The following TRPM2 variants were observed in gnomAD, a reference collection of about 807,000 sequenced individuals.
The protein encoded by TRPM2 is estrogen-responsive element-associated gene 1 protein.
Under a neutral mutation model 174.0 loss-of-function variants are expected in TRPM2, and 161 were observed. That is an observed-to-expected ratio of 0.93 (90% CI 0.81 to 1.05). TRPM2 has a LOEUF of 1.05. Among genes scored for constraint, TRPM2 ranks in the 50% least tolerant of loss-of-function variants. The pLI, the probability that TRPM2 is intolerant of heterozygous loss-of-function variation, is 0.00. For missense variants in TRPM2, 2,057 were observed against 2,038.0 expected, an observed-to-expected ratio of 1.01 and a Z score of -0.18; for synonymous variants, 954 against 861.3, an observed-to-expected ratio of 1.11 and a Z score of -1.88.
chr21:44,353,856 C>A lies in TRPM2; in HGVS notation c.156C>A (p.Asn52Lys), dbSNP rs45625933. Reference sequence around the variant, plus strand: ...GGAGGCTACAGTGCCCCTTCGGCAACAATGACAAGGTAGGCTTTCTGCTGG... The same window carrying A: ...GGAGGCTACAGTGCCCCTTCGGCAAAAATGACAAGGTAGGCTTTCTGCTGG... ...KSWRLQCPFG[N>K]NDKQESLSSW... The change falls in exon 1 of 32, where the codon AAC becomes AAA. Residue 52 changes from asparagine (N) to lysine (K), a missense_variant. Physicochemically the swap from Asn to Lys is moderately conservative, Grantham distance 94. Coordinates refer to ENST00000397928, the MANE Select transcript of TRPM2 (RefSeq NM_003307.4). 1.5e-5 allele frequency: 24 copies of A among 1,597,798 alleles called. No homozygotes were observed. Among genetic ancestry groups the A allele is most frequent in the Admixed American group, 1.1e-4 (6 of 57,016 alleles).
In TRPM2 at chr21:44,369,265, CAAGG is replaced by C; in HGVS notation, c.698_701del (p.Glu233AlafsTer20). The C allele has an allele frequency of 6.2e-7, 1 of 1,613,830 alleles. No individual in the cohort carries two copies. Among genetic ancestry groups the C allele is most frequent in the Middle Eastern group, 1.7e-4 (1 of 6,060 alleles). ...GGGACTTCAGCCTGAGCAGCAGCTACAAGGAAGGCGAGCTCATCACCATCGGAGT... is the reference window on the plus strand; with the variant it reads ...GGGACTTCAGCCTGAGCAGCAGCTACAAGGCGAGCTCATCACCATCGGAGT... On this transcript the variant is annotated frameshift_variant, in exon 5 of 32. Transcript: ENST00000397928. LOFTEE classifies it high-confidence loss of function.
At chr21:44,379,269 G>A (rs1044176967) in intron 8 of TRPM2, 72 bp downstream of exon 8, 16 of 1,543,604 alleles carry the variant, frequency 1.0e-5, no homozygotes, top group Admixed American at 6.8e-5. Context: ...TGGTGGGCAG[G>A]ACCAGGACTC....
At chr21:44,433,278 G>A (rs1330401552) in intron 27 of TRPM2, among the ~76,000 whole-genome samples, 1 of 152,240 alleles carries the variant, frequency 6.6e-6, no homozygotes, top group Non-Finnish European at 1.5e-5. Flanking sequence ...CTGTGGGGGT[G>A]GACTCATGCC....
chr21:44,362,461 A>G (rs4818914), intron 2 of TRPM2, among the ~76,000 whole-genome samples: 151,416 of 151,418 alleles, frequency 1, 75,707 homozygotes, highest in Non-Finnish European at 1. Flanking sequence ...GCAGTGAGCA[A>G]AGATCGGCGC....
chr21:44,407,251 G>C (rs932827396), intron 19 of TRPM2, among the ~76,000 whole-genome samples: 6 of 142,198 alleles, frequency 4.2e-5, no homozygotes, highest in Non-Finnish European at 9.1e-5. Flanking sequence ...CCCGTCTGCT[G>C]AGTAGCTGGG....
At position 44,438,977 on chromosome 21, in the gene TRPM2, G is replaced by T. The variant is rs140546742; in HGVS notation, c.4168-90G>T. 1.9e-6 allele frequency: 2 copies of T among 1,080,830 alleles called. No homozygotes were observed. The highest frequency in any genetic ancestry group is 1.6e-5 in the African/African-American group (1 of 64,156). The allele number at this position is 1,080,830 out of a possible 1,614,324, so 67.0% of individuals were successfully genotyped here. ...CCAGGGCTGGGCCGCTGCCCACGCC[G>T]GGCAGGAGGCCAGTGGAGACGGGTG... On this transcript the variant is annotated intron_variant, in intron 29 of 31. Coordinates refer to ENST00000397928, the MANE Select transcript of TRPM2 (RefSeq NM_003307.4). The surrounding 1 kb of genome is among the most constrained non-coding windows in gnomAD (Gnocchi z 5.9).
intron 12 of TRPM2, 41 bp from the exon 13 acceptor site, chr21:44,397,706 G>C (rs1200594359): frequency 6.6e-7 from 1 of 1,520,290 alleles, no homozygotes; most frequent in African/African-American, 1.4e-5. Context: ...GCTGGGTTGA[G>C]CCTGGCTCTT....
At chr21:44,402,458 T>C (rs45471793) in intron 16 of TRPM2, among the ~76,000 whole-genome samples, 3,469 of 152,254 alleles carry the variant, frequency 0.023, 130 homozygotes, top group African/African-American at 0.078. Flanking sequence ...TGTGGCCTCA[T>C]GCATGGAGGC....
rs553485340 is a variant in TRPM2 at position 44,354,928 on chromosome 21, C to T, written c.254+192C>T. ...CAAGCCTCCTGTCGGGGACAGTTGA[C>T]CCTCATCCTGCCTCGCAGGTGCAGG... On this transcript the variant is annotated intron_variant, in intron 2 of 31. Coordinates refer to ENST00000397928, the MANE Select transcript of TRPM2 (RefSeq NM_003307.4). This position sits in a 1 kb window ranked among gnomAD's most constrained non-coding sequence, Gnocchi z 4.3. Among the ~76,000 whole-genome samples the T allele has an allele frequency of 2.8e-4, 43 of 152,272 alleles. No individual in the cohort carries two copies. Among genetic ancestry groups the T allele is most frequent in the African/African-American group, 1.0e-3 (42 of 41,522 alleles).
chr21:44,424,959 A>G lies in TRPM2; in HGVS notation c.3637+20A>G, dbSNP rs968569469. 1 of 1,584,594 alleles carries G rather than the reference A, an allele frequency of 6.3e-7. No individual in the cohort carries two copies. The highest frequency in any genetic ancestry group is 8.6e-7 in the Non-Finnish European group (1 of 1,167,670). On this transcript the variant is annotated intron_variant, in intron 24 of 31. Coordinates refer to ENST00000397928, the MANE Select transcript of TRPM2 (RefSeq NM_003307.4). ...CTCTGGGTGAGTGGGTGGCCAGGCC[A>G]GCAGCTGGTCTCCAGCCGCCTGTTT...
intron 8 of TRPM2, among the ~76,000 whole-genome samples, 173 bp from the exon 9 acceptor site, chr21:44,382,545 A>G (rs1243439621): frequency 6.6e-6 from 1 of 152,130 alleles, no homozygotes; most frequent in Non-Finnish European, 1.5e-5. Context: ...TTTGGTCCCC[A>G]TGGATCTTCA....
intron 27 of TRPM2, among the ~76,000 whole-genome samples, chr21:44,429,604 T>C (rs189986840): frequency 6.6e-6 from 1 of 152,290 alleles, no homozygotes; most frequent in Admixed American, 6.5e-5. Context: ...TTTTTTTATA[T>C]TTTCAATTTT....
At chr21:44,402,582 A>G (rs1366246286) in intron 16 of TRPM2, among the ~76,000 whole-genome samples, 3 of 151,952 alleles carry the variant, frequency 2.0e-5, no homozygotes, top group Non-Finnish European at 4.4e-5. Flanking sequence ...CAAACTGAAA[A>G]CTGCCCGGGG....
In TRPM2 at chr21:44,405,077, C is replaced by T. The variant is rs984842815; in HGVS notation, c.2539-65C>T. 24 of 1,599,050 alleles carry T rather than the reference C, an allele frequency of 1.5e-5. No homozygotes were observed. The African/African-American group carries it at 3.1e-4, about 21-fold the overall frequency. ...ATGATGATAGTGGATAGTGATGTGA[C>T]AGTGACAGTGAGGATAGTAAGAGTG... On this transcript the variant is annotated intron_variant, in intron 16 of 31. Transcript: ENST00000397928.
chr21:44,431,610 G>T (rs2051024605), intron 27 of TRPM2, among the ~76,000 whole-genome samples: 1 of 152,082 alleles, frequency 6.6e-6, no homozygotes, highest in African/African-American at 2.4e-5. Flanking sequence ...CAAGTCACTG[G>T]AATTACAGGC....
chr21:44,364,817 G>A (rs940788846), intron 3 of TRPM2, among the ~76,000 whole-genome samples: 8 of 152,216 alleles, frequency 5.3e-5, no homozygotes, highest in Non-Finnish European at 1.0e-4. Flanking sequence ...GCAGGAGAGC[G>A]CTGTGAGGGT....
intron 26 of TRPM2, 92 bp downstream of exon 26, chr21:44,426,828 G>A (rs922168687): frequency 2.1e-5 from 32 of 1,528,024 alleles, no homozygotes; most frequent in Middle Eastern, 2.2e-4. Context: ...AGCCCAGCCC[G>A]GGGAGGTCCA....
intron 27 of TRPM2, among the ~76,000 whole-genome samples, chr21:44,429,112 G>A (rs1342016483): frequency 4.6e-5 from 7 of 152,020 alleles, no homozygotes; most frequent in Non-Finnish European, 8.8e-5. Flanking sequence ...ATGATAATGA[G>A]TCTTCTATGA....
At position 44,397,779 on chromosome 21, in the gene TRPM2, C is replaced by A; in HGVS notation, c.1965C>A (p.Cys655Ter). ...SQDCIAAALA[C>*]SKILKELSKE... ...ACTGCATCGCAGCGGCCTTGGCCTG[C>A]AGCAAGATCCTGAAGGAACTGTCCA... is the stretch of plus-strand genomic sequence containing the variant. The change falls in exon 13 of 32, where the codon TGC (cysteine) becomes TGA (stop). Residue 655 changes from cysteine (C) to a stop codon, truncating the protein, a stop_gained. Coordinates refer to ENST00000397928, the MANE Select transcript of TRPM2 (RefSeq NM_003307.4). LOFTEE classifies it high-confidence loss of function. 2.5e-6 allele frequency: 4 copies of A among 1,601,448 alleles called. No individual in the cohort carries two copies. Among genetic ancestry groups the A allele is most frequent in the Non-Finnish European group, 3.4e-6 (4 of 1,174,266 alleles).
Sources: gnomAD v4.1 joint callset for allele counts (sites outside exome capture counted in the v4.1 genomes callset) on GRCh38, gnomAD v4.1.1 for gene constraint, Gnocchi (gnomAD v3.1) non-coding constraint, MANE v1.5 for transcripts, NCBI Gene and HGNC (gene_info 2026-07-23, HGNC 2026-07-21) for gene names.